The following MCTP1 variants were observed in gnomAD, a reference collection of about 807,000 sequenced individuals.
MCTP1 encodes the protein multiple C2 and transmembrane domain-containing protein 1.
A neutral mutation model predicts 120.6 loss-of-function variants in MCTP1; 69 were observed. That is an observed-to-expected ratio of 0.57 (90% CI 0.47 to 0.70). MCTP1 has a LOEUF of 0.70. Among genes scored for constraint, MCTP1 ranks in the 30% least tolerant of loss-of-function variants. MCTP1 has a pLI of 0.00. For synonymous variants in MCTP1, 529 were observed against 493.1 expected (o/e 1.07, Z -0.96); for missense variants, 1,203 against 1,248.8 (o/e 0.96, Z 0.55).
intron 5 of MCTP1, among the ~76,000 whole-genome samples, chr5:94,935,435 A>G (rs1000657677): frequency 6.6e-6 from 1 of 151,930 alleles, no homozygotes; most frequent in African/African-American, 2.4e-5. Context: ...AAATCTTACC[A>G]CTTTGTAATG....
chr5:94,709,898 C>CA, intron 21 of MCTP1: 1 of 152,196 alleles, frequency 6.6e-6, no homozygotes, highest in African/African-American at 2.4e-5. Flanking sequence ...TTGGAGTCAT[C>CA]AGACTTGAAC....
intron 2 of MCTP1, among the ~76,000 whole-genome samples, chr5:94,954,705 A>G (rs1822119177): frequency 6.6e-6 from 1 of 152,176 alleles, no homozygotes; most frequent in South Asian, 2.1e-4. Flanking sequence ...TTTTAACAGC[A>G]TATATACGCT....
chr5:95,176,254 G>T (rs1295759837), intron 1 of MCTP1, among the ~76,000 whole-genome samples: 1 of 152,174 alleles, frequency 6.6e-6, no homozygotes, highest in East Asian at 1.9e-4. Context: ...GCCATGCGTG[G>T]TGGCTCACGC....
intron 2 of MCTP1, among the ~76,000 whole-genome samples, chr5:94,999,768 G>GTCT (rs1304731056): frequency 6.6e-6 from 1 of 152,178 alleles, no homozygotes; most frequent in East Asian, 1.9e-4. Flanking sequence ...AATTGGAGCA[G>GTCT]TACCTGGTCT....
intron 2 of MCTP1, among the ~76,000 whole-genome samples, chr5:94,982,330 C>T (rs58085960): frequency 0.28 from 42,220 of 151,884 alleles, 5,989 homozygotes; most frequent in South Asian, 0.36. Flanking sequence ...GATACAATAA[C>T]AACAAATGAA....
chr5:94,980,152 C>T (rs1007880287), intron 2 of MCTP1, among the ~76,000 whole-genome samples: 3 of 152,100 alleles, frequency 2.0e-5, no homozygotes, highest in Admixed American at 6.6e-5. Flanking sequence ...ACATTTAAAA[C>T]AGTACTCCCA....
intron 10 of MCTP1, among the ~76,000 whole-genome samples, chr5:94,903,475 ATTCTC>A (rs760239834): frequency 6.6e-6 from 1 of 152,230 alleles, no homozygotes; most frequent in Non-Finnish European, 1.5e-5. Context: ...AACAGTTCAC[ATTCTC>A]TTCTCTTCAG....
intron 1 of MCTP1, among the ~76,000 whole-genome samples, chr5:95,237,215 A>G (rs1488863657): frequency 1.3e-5 from 2 of 152,132 alleles, no homozygotes; most frequent in African/African-American, 4.8e-5. Context: ...TGGAGGATGT[A>G]GTGTGTGCTA....
At chr5:95,196,919 TA>T (rs1264976910) in intron 1 of MCTP1, among the ~76,000 whole-genome samples, 1 of 152,240 alleles carries the variant, frequency 6.6e-6, no homozygotes, top group Non-Finnish European at 1.5e-5. Context: ...GCCAGCTTTT[TA>T]ATACATTCAA....
intron 2 of MCTP1, among the ~76,000 whole-genome samples, chr5:94,977,892 C>A (rs762933704): frequency 1.3e-5 from 2 of 151,892 alleles, no homozygotes; most frequent in East Asian, 3.8e-4. Flanking sequence ...TCAATGATTG[C>A]GTGAGTATGA....
At position 94,817,777 on chromosome 5, in the gene MCTP1, C is replaced by T. The variant is rs192525249; in HGVS notation, c.2437-18645G>A. ...TCTCATCTGAACCATTATTGGTTTA[C>T]ATATATGATTTTGGCCCTTTTTAGG... On this transcript the variant is annotated intron_variant, in intron 17 of 22. Transcript: ENST00000515393. Among the ~76,000 whole-genome samples, 218 of 152,272 alleles carry T rather than the reference C, an allele frequency of 1.4e-3. 1 individual carries two copies. The highest frequency in any genetic ancestry group is 3.7e-3 in the Admixed American group (57 of 15,298).
chr5:95,015,381 C>T (rs1240286301), intron 2 of MCTP1, among the ~76,000 whole-genome samples: 2 of 151,964 alleles, frequency 1.3e-5, no homozygotes, highest in African/African-American at 4.8e-5. Context: ...TTTTGGGGTG[C>T]TAAAATATTG....
intron 1 of MCTP1, among the ~76,000 whole-genome samples, chr5:95,153,593 T>C (rs1744778873): frequency 6.6e-6 from 1 of 152,120 alleles, no homozygotes; most frequent in African/African-American, 2.4e-5. Flanking sequence ...AGAATGAAAT[T>C]AGAGAAAGAG....
At chr5:95,072,117 G>GTGTGTGTGT (rs1554200162) in intron 1 of MCTP1, among the ~76,000 whole-genome samples, 1 of 151,556 alleles carries the variant, frequency 6.6e-6, no homozygotes, top group African/African-American at 2.4e-5. Flanking sequence ...GTGTGTGATT[G>GTGTGTGTGT]GAGGTTTGTT....
chr5:94,715,363 CAAAAAAA>C (rs35567390), intron 19 of MCTP1, among the ~76,000 whole-genome samples: 12 of 70,542 alleles, frequency 1.7e-4, no homozygotes, highest in African/African-American at 5.4e-4. Context: ...ATGAAAACTA[CAAAAAAA>C]AAAAAAAAAA....
At chr5:94,784,627 G>A (rs140074402) in intron 18 of MCTP1, among the ~76,000 whole-genome samples, 266 of 151,986 alleles carry the variant, frequency 1.8e-3, no homozygotes, top group African/African-American at 6.1e-3. Context: ...AGTACATCTC[G>A]AAAGCAACTG....
In MCTP1 at chr5:94,959,090, T is replaced by C. The variant is rs188445674; in HGVS notation, c.839-5729A>G. Among the ~76,000 whole-genome samples the C allele has an allele frequency of 2.6e-5, 4 of 152,284 alleles. 1 individual carries two copies. Among genetic ancestry groups the C allele is most frequent in the Admixed American group, 2.6e-4 (4 of 15,284 alleles). ...ATCCACCACAATCAAGTCGGCTTCA[T>C]CCCTGGGATGCAAGGCTGGTTCAAC... is the stretch of plus-strand genomic sequence containing the variant. On this transcript the variant is annotated intron_variant, in intron 2 of 22. Coordinates refer to ENST00000515393, the MANE Select transcript of MCTP1 (RefSeq NM_024717.7).
intron 2 of MCTP1, among the ~76,000 whole-genome samples, chr5:94,977,544 G>C (rs142128460): frequency 7.2e-5 from 11 of 152,084 alleles, no homozygotes; most frequent in Admixed American, 7.2e-4. Flanking sequence ...AACAAAGCTG[G>C]AGGCATCATA....
chr5:95,013,595 T>C (rs1221630997), intron 2 of MCTP1, among the ~76,000 whole-genome samples: 3 of 152,086 alleles, frequency 2.0e-5, no homozygotes, highest in African/African-American at 7.2e-5. Flanking sequence ...GCCCTATAAA[T>C]GAAGCCAAAA....
Sources: gnomAD v4.1 joint callset for allele counts (sites outside exome capture counted in the v4.1 genomes callset) on GRCh38, gnomAD v4.1.1 for gene constraint, MANE v1.5 for transcripts, NCBI Gene and HGNC (gene_info 2026-07-23, HGNC 2026-07-21) for gene names.